Variants in RGMB observed in about 807,000 individuals in gnomAD.
The protein encoded by RGMB is repulsive guidance molecule B.
In RGMB, 16 loss-of-function variants were observed where a neutral mutation model predicts 26.9. The observed-to-expected ratio is 0.60, with a 90% CI of 0.40 to 0.90. The LOEUF (loss-of-function observed/expected upper bound fraction) is 0.90. Among genes scored for constraint, RGMB ranks in the 40% least tolerant of loss-of-function variants. The pLI is 0.00. For missense variants in RGMB, 512 were observed against 573.3 expected, an observed-to-expected ratio of 0.89 and a Z score of 1.09; for synonymous variants, 225 against 229.3, an observed-to-expected ratio of 0.98 and a Z score of 0.17.
In RGMB at chr5:98,793,194, A is replaced by G; in HGVS notation, c.755A>G (p.Asp252Gly). ...GTGGATGGCACCACCAGTGGTGGGG[A>G]CAGCGATGCCAAGAGCCTGCGTATC... ...AFVDGTTSGG[D>G]SDAKSLRIVE... Residue 252 changes from aspartate to glycine, a missense_variant, in exon 3 of 3, where the codon GAC becomes GGC. Physicochemically the swap from Asp to Gly is moderately conservative, Grantham distance 94. Transcript: ENST00000513185. The G allele has an allele frequency of 6.2e-7, 1 of 1,614,002 alleles. No homozygotes were observed. Among genetic ancestry groups the G allele is most frequent in the Non-Finnish European group, 8.5e-7 (1 of 1,179,872 alleles).
rs752821864 is a variant in RGMB, at chr5:98,774,156, C to A, written c.86C>A (p.Pro29Gln). ...CGCAGCCCCGGGCTCTGCCCCCCGC[C>A]GCTGGAGCTGCTGCTGCTGCTGCTG... ...QRRSPGLCPP[P>Q]LELLLLLLFS... Residue 29 changes from proline to glutamine, a missense_variant, in exon 1 of 3, where the codon CCG becomes CAG. Transcript: ENST00000513185. 1 of 1,498,210 alleles carries A rather than the reference C, an allele frequency of 6.7e-7. No homozygotes were observed. Among genetic ancestry groups the A allele is most frequent in the Non-Finnish European group, 8.8e-7 (1 of 1,130,254 alleles). 92.8% of individuals were successfully genotyped at this position (1,498,210 alleles called of 1,614,324 possible). A position where few individuals can be genotyped will look rare whatever the true frequency, so the allele number is the denominator to read the frequency against.
upstream of RGMB, chr5:98,772,740 A>C (rs1290409379): frequency 6.6e-6 from 1 of 152,240 alleles, no homozygotes; most frequent in East Asian, 1.9e-4. Flanking sequence ...CGATCATAAA[A>C]GGAGAAAGTG....
intron 2 of RGMB, among the ~76,000 whole-genome samples, chr5:98,788,220 C>T (rs937483018): frequency 1.3e-5 from 2 of 152,162 alleles, no homozygotes; most frequent in Admixed American, 6.5e-5. Flanking sequence ...CCACTCACCT[C>T]GTAAACACAG....
intron 2 of RGMB, among the ~76,000 whole-genome samples, chr5:98,789,060 A>T (rs1746847314): frequency 1.3e-5 from 2 of 152,232 alleles, no homozygotes; most frequent in Admixed American, 1.3e-4. Context: ...TCAGCTAATT[A>T]TATGAAATAA....
chr5:98,791,673 C>G (rs1461694111), intron 2 of RGMB, among the ~76,000 whole-genome samples: 1 of 152,124 alleles, frequency 6.6e-6, no homozygotes, highest in Non-Finnish European at 1.5e-5. Context: ...AGAGAGAACC[C>G]TGTTGCCTCA....
rs1041792732 is a variant in RGMB, at chr5:98,779,885, A to G, written c.442A>G (p.Arg148Gly). ...CAACTATCACAGCCACGCTGGAGCC[A>G]GGGAACACAGGAGAGGGGACCAGAA... Reference protein sequence around the residue: ...PCNYHSHAGAREHRRGDQNPP... With the variant: ...PCNYHSHAGAGEHRRGDQNPP... The change falls in exon 2 of 3, where the codon AGG (arginine) becomes GGG (glycine). Residue 148 changes from arginine (R) to glycine (G), a missense_variant. Arg to Gly is a moderately radical substitution (Grantham distance 125). Transcript: ENST00000513185. 5.4e-5 allele frequency: 87 copies of G among 1,613,908 alleles called. No homozygotes were observed. The highest frequency in any genetic ancestry group is 7.2e-5 in the Non-Finnish European group (85 of 1,179,888).
intron 2 of RGMB, chr5:98,792,857 T>C (rs1327481642): frequency 7.8e-6 from 3 of 384,736 alleles, no homozygotes; most frequent in African/African-American, 6.1e-5. Flanking sequence ...AAAAAAGTTT[T>C]GTCTTGATGC....
chr5:98,792,626 C>T (rs1374961968), intron 2 of RGMB, among the ~76,000 whole-genome samples: 2 of 132,996 alleles, frequency 1.5e-5, no homozygotes, highest in African/African-American at 2.8e-5. Flanking sequence ...TTTAAATCAG[C>T]CACGCATGGT....
intron 2 of RGMB, among the ~76,000 whole-genome samples, chr5:98,786,118 T>C (rs1235031372): frequency 2.0e-5 from 3 of 152,230 alleles, no homozygotes; most frequent in Non-Finnish European, 4.4e-5. Context: ...AAGATTTGCC[T>C]TTGTTTCATT....
chr5:98,776,578 T>TAAATTCATAC (rs767070653), intron 1 of RGMB, among the ~76,000 whole-genome samples: 508 of 152,314 alleles, frequency 3.3e-3, no homozygotes, highest in Non-Finnish European at 6.0e-3. Flanking sequence ...GAAGCCTGGA[T>TAAATTCATAC]ATTTCTGGGT....
upstream of RGMB, chr5:98,770,644 C>T (rs761306148): frequency 9.7e-5 from 140 of 1,439,968 alleles, 1 homozygote; most frequent in South Asian, 2.0e-3. Flanking sequence ...CCGCTGAGCC[C>T]CCTCCAGGAG....
upstream of RGMB, chr5:98,773,172 A>G (rs1746229926): frequency 6.6e-6 from 1 of 152,008 alleles, no homozygotes; most frequent in Admixed American, 6.5e-5. Context: ...GCTCTGTAAA[A>G]GCGCCTGCTT....
At chr5:98,785,639 C>A (rs1746748136) in intron 2 of RGMB, among the ~76,000 whole-genome samples, 1 of 152,140 alleles carries the variant, frequency 6.6e-6, no homozygotes, top group Non-Finnish European at 1.5e-5. Context: ...TGATGTTATA[C>A]CAAAAAGCTT....
chr5:98,787,307 G>C (rs998973204), intron 2 of RGMB, among the ~76,000 whole-genome samples: 2 of 152,158 alleles, frequency 1.3e-5, no homozygotes, highest in African/African-American at 4.8e-5. Context: ...GCTGAAAAAT[G>C]ATCAAAGAGC....
rs908370306 is a variant in RGMB at position 98,774,100 on chromosome 5, C to T, written c.30C>T (p.Ala10=). 101 of 1,258,510 alleles carry T rather than the reference C, an allele frequency of 8.0e-5. 2 individuals carry two copies. The highest frequency in any genetic ancestry group is 8.7e-5 in the Non-Finnish European group (79 of 907,406). The allele number at this position is 1,258,510 out of a possible 1,614,324, so 78.0% of individuals were successfully genotyped here. ...GCTTGAGAGCAGCACCTTCCAGCGC[C>T]GCCGCTGCCGCCGCCGAGGTTGAGC... MGLRAAPSS[A]AAAAAEVEQR... The change falls in exon 1 of 3, where the codon GCC becomes GCT. Residue 10 remains alanine (A), a synonymous_variant. Coordinates refer to ENST00000513185, the MANE Select transcript of RGMB (RefSeq NM_001366508.1).
Position 98,782,530 on chromosome 5 carries a change from A to G in RGMB, c.645+2442A>G, listed in dbSNP as rs981418210. Reference sequence around the variant, plus strand: ...TTACTGAGAATTTAAGCAAGTGCATAGACCAGTTGTTGGGTAACCTAGTAC... The same window carrying G: ...TTACTGAGAATTTAAGCAAGTGCATGGACCAGTTGTTGGGTAACCTAGTAC... On this transcript the variant is annotated intron_variant, in intron 2 of 2. Transcript: ENST00000513185. 3.3e-5 allele frequency among the ~76,000 whole-genome samples: 5 copies of G among 152,366 alleles called. No homozygotes were observed. In the East Asian group the frequency reaches 9.6e-4, roughly 29 times the overall value.
At chr5:98,770,656 G>T, upstream of RGMB, 1 of 1,458,548 alleles carries the variant, frequency 6.9e-7, no homozygotes, top group Non-Finnish European at 9.1e-7. Flanking sequence ...CTCCAGGAGC[G>T]AAAGGGTTAA....
At chr5:98,784,612 C>T (rs780441632) in intron 2 of RGMB, among the ~76,000 whole-genome samples, 2 of 152,210 alleles carry the variant, frequency 1.3e-5, no homozygotes, top group Non-Finnish European at 2.9e-5. Context: ...CCAGACATGC[C>T]TGCATTGCAA....
intron 2 of RGMB, among the ~76,000 whole-genome samples, chr5:98,783,112 C>T (rs1580282904): frequency 1.3e-5 from 2 of 152,172 alleles, no homozygotes; most frequent in East Asian, 1.9e-4. Context: ...ATGGTGTGCA[C>T]AGGTATGCTT....
Sources: gnomAD v4.1 joint callset for allele counts (sites outside exome capture counted in the v4.1 genomes callset) on GRCh38, gnomAD v4.1.1 for gene constraint, MANE v1.5 for transcripts, NCBI Gene and HGNC (gene_info 2026-07-23, HGNC 2026-07-21) for gene names.